OPRM1: variants seen among roughly 807,000 people sequenced by gnomAD.
OPRM1 encodes mu-type opioid receptor.
Under a neutral mutation model 31.8 loss-of-function variants are expected in OPRM1, and 27 were observed. The ratio of observed to expected loss-of-function variants is 0.85; its 90% confidence interval spans 0.63 to 1.17. The LOEUF (loss-of-function observed/expected upper bound fraction) is 1.17, where lower values mean the gene tolerates loss of function less well. OPRM1 is among the 50% of genes most tolerant of loss of function. The pLI, the probability that OPRM1 is intolerant of heterozygous loss-of-function variation, is 0.00. For synonymous variants in OPRM1, 196 were observed against 189.9 expected, an observed-to-expected ratio of 1.03 and a Z score of -0.26; for missense variants, 536 against 511.1, an observed-to-expected ratio of 1.05 and a Z score of -0.47.
In OPRM1 at chr6:154,130,624, A is replaced by G. The variant is rs983398728; in HGVS notation, c.*11903A>G. On this transcript the variant is annotated 3_prime_UTR_variant, in exon 4 of 4. Transcript: ENST00000330432. Reference sequence around the variant, plus strand: ...ATTTAATAGGAATTAAGTTAGAAATACTAGTATATATATTCCCTTTATATA... The same window carrying G: ...ATTTAATAGGAATTAAGTTAGAAATGCTAGTATATATATTCCCTTTATATA... Among the ~76,000 whole-genome samples, 5 of 152,182 alleles carry G rather than the reference A, an allele frequency of 3.3e-5. No homozygotes were observed. The highest frequency in any genetic ancestry group is 7.2e-5 in the African/African-American group (3 of 41,450).
chr6:154,014,780 G>T (rs1777914128), intron 1 of OPRM1, among the ~76,000 whole-genome samples: 1 of 152,048 alleles, frequency 6.6e-6, no homozygotes, highest in African/African-American at 2.4e-5. Flanking sequence ...ATGCAGAAAT[G>T]AAATTAAAAT....
At chr6:154,093,350 T>C (rs1488142344) in intron 3 of OPRM1, 5 of 1,614,032 alleles carry the variant, frequency 3.1e-6, no homozygotes, top group Non-Finnish European at 4.2e-6. Flanking sequence ...TGCAAGGACC[T>C]CTTGTCAGAT....
rs1214262965 is a variant in OPRM1 at position 154,229,744 on chromosome 6, C to A, written c.1165-16949C>A. ...GGTGTCTACCCAAGAGGAATGGATG[C>A]AAATGCCCATGCAAAGGTTTGCATG... On this transcript the variant is annotated intron_variant, in intron 3 of 3. Coordinates refer to the OPRM1 transcript ENST00000337049. 2.0e-5 allele frequency among the ~76,000 whole-genome samples: 3 copies of A among 152,190 alleles called. No homozygotes were observed. The East Asian group carries it at 5.8e-4, about 29-fold the overall frequency.
intron 3 of OPRM1, among the ~76,000 whole-genome samples, chr6:154,114,887 A>C (rs962640784): frequency 1.2e-4 from 18 of 151,932 alleles, no homozygotes; most frequent in Admixed American, 4.6e-4. Flanking sequence ...AAAAAAAAAA[A>C]AACAAAAAAC....
At chr6:154,165,159 T>C (rs749876074) in intron 3 of OPRM1, among the ~76,000 whole-genome samples, 8 of 152,162 alleles carry the variant, frequency 5.3e-5, no homozygotes, top group Non-Finnish European at 1.0e-4. Context: ...TATATCATAC[T>C]CAGAGAAAAG....
chr6:154,171,779 C>T (rs970942063), intron 3 of OPRM1, among the ~76,000 whole-genome samples: 4 of 152,184 alleles, frequency 2.6e-5, no homozygotes, highest in Non-Finnish European at 5.9e-5. Flanking sequence ...AGAAATCTGA[C>T]TCCTGAAGGG....
At chr6:154,117,168 T>A (rs1796966360) in intron 3 of OPRM1, among the ~76,000 whole-genome samples, 1 of 152,210 alleles carries the variant, frequency 6.6e-6, no homozygotes, top group Non-Finnish European at 1.5e-5. Context: ...CCAGAATATT[T>A]GCTACCAGAC....
rs184850449 is a variant in OPRM1 at position 154,076,262 on chromosome 6, G to A, written c.291-13564G>A. ...AACATGTACAAACACACCCACCACA[G>A]GTAGTCAAAATGTAATACTCCTAAG... On this transcript the variant is annotated intron_variant, in intron 1 of 3. Coordinates refer to ENST00000330432, the MANE Select transcript of OPRM1 (RefSeq NM_000914.5). Among the ~76,000 whole-genome samples, 355 of 152,136 alleles carry A rather than the reference G, an allele frequency of 2.3e-3. 2 individuals carry two copies. The highest frequency in any genetic ancestry group is 8.1e-3 in the African/African-American group (335 of 41,500).
chr6:154,198,971 C>T lies in OPRM1; in HGVS notation c.1165-47722C>T, dbSNP rs534914790. ...GAATAGCGCACAATCAGAAAAGATA[C>T]GTCACGATTGAACAGTAATAAAAAT... On this transcript the variant is annotated intron_variant, in intron 3 of 3. Transcript: ENST00000337049. Among the ~76,000 whole-genome samples the T allele has an allele frequency of 9.2e-5, 14 of 152,280 alleles. 1 individual carries two copies. Among genetic ancestry groups the T allele is most frequent in the Admixed American group, 1.3e-4 (2 of 15,296 alleles).
intron 1 of OPRM1, chr6:154,087,170 G>C (rs987052193): frequency 2.0e-6 from 2 of 985,242 alleles, no homozygotes; most frequent in African/African-American, 3.5e-5. Context: ...AGCTTTTCTG[G>C]CAGTAATGCA....
At chr6:154,219,256 G>A (rs1361680317) in intron 3 of OPRM1, 1 of 152,134 alleles carries the variant, frequency 6.6e-6, no homozygotes, top group African/African-American at 2.4e-5. Context: ...AATTCACTAG[G>A]TAACAAACAA....
At chr6:154,208,081 T>C (rs1055971334) in intron 3 of OPRM1, among the ~76,000 whole-genome samples, 3 of 151,882 alleles carry the variant, frequency 2.0e-5, no homozygotes, top group Admixed American at 6.5e-5. Flanking sequence ...ACAGAGCAGA[T>C]TGGGGGCTCC....
chr6:154,077,763 A>G (rs912813183), intron 1 of OPRM1, among the ~76,000 whole-genome samples: 1 of 151,960 alleles, frequency 6.6e-6, no homozygotes, highest in African/African-American at 2.4e-5. Context: ...TAATTAACTA[A>G]AACAAAAGAA....
chr6:154,238,671 C>A (rs1362154301), intron 3 of OPRM1, among the ~76,000 whole-genome samples: 1 of 151,970 alleles, frequency 6.6e-6, no homozygotes, highest in Non-Finnish European at 1.5e-5. Context: ...TTCCTATGAG[C>A]ACATACTACT....
chr6:154,206,941 C>A (rs1430460764), intron 3 of OPRM1, among the ~76,000 whole-genome samples: 1 of 152,200 alleles, frequency 6.6e-6, no homozygotes, highest in Non-Finnish European at 1.5e-5. Flanking sequence ...AATACCAAGC[C>A]AAAGACTCAG....
Position 154,215,310 on chromosome 6 carries a change from A to G in OPRM1, c.1165-31383A>G, listed in dbSNP as rs1345549589. Among the ~76,000 whole-genome samples the G allele has an allele frequency of 5.3e-5, 8 of 152,232 alleles. No homozygotes were observed. In the East Asian group the frequency reaches 1.5e-3, roughly 29 times the overall value. On this transcript the variant is annotated intron_variant, in intron 3 of 3. Transcript: ENST00000337049. The stretch of plus-strand genomic sequence containing the variant: ...TGTACCTGTTATTTTTGAATAGAAA[A>G]TATATAACAAATTCAATGCCGGGAG...
chr6:154,039,468 C>T lies in OPRM1; in HGVS notation c.-77C>T. The T allele has an allele frequency of 1.3e-6, 2 of 1,554,148 alleles. No homozygotes were observed. On this transcript the variant is annotated 5_prime_UTR_variant, in exon 1 of 4. Coordinates refer to ENST00000330432, the MANE Select transcript of OPRM1 (RefSeq NM_000914.5). ...CTGTGGCAGCGGCGAAAGGAAGCGG[C>T]TGAGGCGCTTGGAACCCGAAAAGTC...
At chr6:154,066,796 G>T (rs1408140922) in intron 1 of OPRM1, among the ~76,000 whole-genome samples, 2 of 152,082 alleles carry the variant, frequency 1.3e-5, no homozygotes, top group Non-Finnish European at 2.9e-5. Flanking sequence ...TTAGCATCTT[G>T]ATTTTCAATT....
At chr6:154,167,679 A>G (rs1250452674) in intron 3 of OPRM1, among the ~76,000 whole-genome samples, 1 of 152,226 alleles carries the variant, frequency 6.6e-6, no homozygotes, top group Non-Finnish European at 1.5e-5. Context: ...TTGAAATTTT[A>G]TATCAGAGTG....
Sources: gnomAD v4.1 joint callset for allele counts (sites outside exome capture counted in the v4.1 genomes callset) on GRCh38, gnomAD v4.1.1 for gene constraint, MANE v1.5 for transcripts, NCBI Gene and HGNC (gene_info 2026-07-23, HGNC 2026-07-21) for gene names.